The following OTOGL variants were observed in gnomAD, a reference collection of about 807,000 sequenced individuals.
The protein encoded by OTOGL is otogelin-like protein.
Under a neutral mutation model 318.5 loss-of-function variants are expected in OTOGL, and 285 were observed. The observed-to-expected ratio is 0.89, with a 90% CI of 0.81 to 0.99. The LOEUF (loss-of-function observed/expected upper bound fraction) is 0.99. Ranked by LOEUF, OTOGL falls within the 50% of genes least tolerant of loss-of-function variation. The pLI, the probability that OTOGL is intolerant of heterozygous loss-of-function variation, is 0.00. For synonymous variants in OTOGL, 987 were observed against 936.5 expected (o/e 1.05, Z -0.99); for missense variants, 2,899 against 2,845.6 (o/e 1.02, Z -0.43).
chr12:80,341,535 G>A (rs1888766415), intron 43 of OTOGL, among the ~76,000 whole-genome samples: 1 of 152,158 alleles, frequency 6.6e-6, no homozygotes, highest in South Asian at 2.1e-4. Flanking sequence ...TTCAGGCAGA[G>A]TTTTCACAGG....
intron 57 of OTOGL, among the ~76,000 whole-genome samples, chr12:80,373,011 T>G (rs6539503): frequency 0.85 from 129,210 of 151,956 alleles, 54,970 homozygotes; most frequent in South Asian, 0.88. Flanking sequence ...TAGAATAGAG[T>G]GTTTTCCATG....
chr12:80,362,921 A>G (rs994791783), intron 52 of OTOGL, among the ~76,000 whole-genome samples: 3 of 152,140 alleles, frequency 2.0e-5, no homozygotes, highest in African/African-American at 7.2e-5. Context: ...GAGATATAAA[A>G]ATCTATACAA....
chr12:80,358,915 T>C lies in OTOGL; in HGVS notation c.6267+15T>C. The C allele has an allele frequency of 6.2e-6, 9 of 1,459,016 alleles. No homozygotes were observed. Among genetic ancestry groups the C allele is most frequent in the Non-Finnish European group, 8.3e-6 (9 of 1,084,016 alleles). The allele number at this position is 1,459,016 out of a possible 1,614,324, so 90.4% of individuals were successfully genotyped here. On this transcript the variant is annotated intron_variant, in intron 52 of 58. Transcript: ENST00000547103. Reference sequence around the variant, plus strand: ...CTTGTGAAGTGGTAAGAACACATATTTTGATTGACTTGTCATATTTATTTA... The same window carrying C: ...CTTGTGAAGTGGTAAGAACACATATCTTGATTGACTTGTCATATTTATTTA...
At chr12:80,291,225 A>G (rs1301982118) in intron 26 of OTOGL, among the ~76,000 whole-genome samples, 1 of 152,190 alleles carries the variant, frequency 6.6e-6, no homozygotes. Flanking sequence ...GACGTACCAT[A>G]GTTTCTTTTC....
In OTOGL at chr12:80,244,631, A is replaced by T. The variant is rs1023344682; in HGVS notation, c.1052+5192A>T. Among the ~76,000 whole-genome samples, 21 of 149,818 alleles carry T rather than the reference A, an allele frequency of 1.4e-4. 2 individuals are homozygous for T. The highest frequency in any genetic ancestry group is 5.4e-4 in the African/African-American group (21 of 39,224). On this transcript the variant is annotated intron_variant, in intron 11 of 58. Transcript: ENST00000547103. ...TTGTGAATAATGCTGCAATAAACATATGTGTGCATGTGTCTTTATAGCAGC... is the reference window on the plus strand; with the variant it reads ...TTGTGAATAATGCTGCAATAAACATTTGTGTGCATGTGTCTTTATAGCAGC...
chr12:80,281,943 G>T (rs1047272731), intron 26 of OTOGL, among the ~76,000 whole-genome samples: 8 of 151,550 alleles, frequency 5.3e-5, no homozygotes, highest in African/African-American at 1.7e-4. Context: ...CCATAATTGG[G>T]TTATACATTT....
chr12:80,251,150 G>T (rs1881509268), intron 11 of OTOGL, among the ~76,000 whole-genome samples: 1 of 152,116 alleles, frequency 6.6e-6, no homozygotes, highest in South Asian at 2.1e-4. Context: ...CTACGTTTTG[G>T]ATTCTTATTG....
Position 80,368,087 on chromosome 12 carries a change from G to GAA in OTOGL, c.6511-116_6511-115dup, listed in dbSNP as rs35847160. The GAA allele has an allele frequency of 9.6e-3, 7,079 of 734,396 alleles. 326 individuals are homozygous for GAA. The African/African-American group carries it at 0.1, about 10-fold the overall frequency. The allele number at this position is 734,396 out of a possible 1,614,324, so 45.5% of individuals were successfully genotyped here. A position where few individuals can be genotyped will look rare whatever the true frequency, so the allele number is the denominator to read the frequency against. On this transcript the variant is annotated intron_variant, in intron 54 of 58. Transcript: ENST00000547103. ...TGGAAGCTTCTCATATTCAACCTTA[G>GAA]AAATCCTTACAGTTGTCTGGAAAGA...
At chr12:80,181,801 T>G (rs1874939850) in intron 1 of OTOGL, among the ~76,000 whole-genome samples, 1 of 152,130 alleles carries the variant, frequency 6.6e-6, no homozygotes, top group Admixed American at 6.6e-5. Context: ...TAAGTAGGCT[T>G]GTATATATCA....
Position 80,380,655 on chromosome 12 carries a change from C to T in OTOGL, c.*2607C>T, listed in dbSNP as rs528896696. The T allele has an allele frequency of 6.6e-6, 1 of 152,130 alleles. No homozygotes were observed. Among genetic ancestry groups the T allele is most frequent in the East Asian group, 1.9e-4 (1 of 5,178 alleles). The allele number at this position is 152,130 out of a possible 1,614,324, so 9.4% of individuals were successfully genotyped here. A position where few individuals can be genotyped will look rare whatever the true frequency, so the allele number is the denominator to read the frequency against. Reference sequence around the variant, plus strand: ...TTTTAAGGCTCTGGGAAGATAAGCACTCTCACATGTCATTGATGGTAACAC... The same window carrying T: ...TTTTAAGGCTCTGGGAAGATAAGCATTCTCACATGTCATTGATGGTAACAC... On this transcript the variant is annotated 3_prime_UTR_variant, in exon 59 of 59. Coordinates refer to ENST00000547103, the MANE Select transcript of OTOGL (RefSeq NM_001378609.3).
At chr12:80,352,075 A>G (rs533849902) in intron 44 of OTOGL, among the ~76,000 whole-genome samples, 1 of 152,328 alleles carries the variant, frequency 6.6e-6, no homozygotes, top group Non-Finnish European at 1.5e-5. Context: ...CCATCTTTAT[A>G]AGAAAGATTT....
chr12:80,246,223 G>A (rs1352967733), intron 11 of OTOGL, among the ~76,000 whole-genome samples: 2 of 149,400 alleles, frequency 1.3e-5, no homozygotes, highest in South Asian at 4.1e-4. Context: ...GTGAGAGAGA[G>A]CATCCCTGTC....
At chr12:80,120,084 G>A (rs1432796021) in intron 1 of OTOGL, among the ~76,000 whole-genome samples, 1 of 151,798 alleles carries the variant, frequency 6.6e-6, no homozygotes, top group East Asian at 1.9e-4. Context: ...TTCTGGAGTA[G>A]CAGAGTTTGA....
intron 19 of OTOGL, among the ~76,000 whole-genome samples, chr12:80,263,667 T>A (rs531914448): frequency 1.3e-5 from 2 of 152,026 alleles, no homozygotes. Flanking sequence ...AACTTTTTTT[T>A]AGCTTTGCCA....
rs570783811 is a variant in OTOGL, at chr12:80,356,019, G to A, written c.5806+71G>A. 4.9e-4 allele frequency: 733 copies of A among 1,482,348 alleles called. 2 individuals are homozygous for A. Among genetic ancestry groups the A allele is most frequent in the South Asian group, 1.0e-3 (88 of 85,808 alleles). 91.8% of individuals were successfully genotyped at this position (1,482,348 alleles called of 1,614,324 possible). A position where few individuals can be genotyped will look rare whatever the true frequency, so the allele number is the denominator to read the frequency against. On this transcript the variant is annotated intron_variant, in intron 47 of 58. Transcript: ENST00000547103. ...TTGATATTCTTTGTGAAAAAGCAGA[G>A]CATATATAATGCTTTGTATTTTTAA...
At chr12:80,253,371 AGGT>A in intron 13 of OTOGL, 92 bp from the exon 14 acceptor site, 1 of 1,076,396 alleles carries the variant, frequency 9.3e-7, no homozygotes, top group Non-Finnish European at 1.4e-6. Flanking sequence ...CATCATGCGT[AGGT>A]ATTCAACAGA....
chr12:80,231,870 C>T (rs1008916606), intron 8 of OTOGL, among the ~76,000 whole-genome samples: 6 of 151,480 alleles, frequency 4.0e-5, no homozygotes, highest in African/African-American at 1.5e-4. Context: ...AACTCCTGAC[C>T]TTGTGATCCA....
intron 17 of OTOGL, 75 bp downstream of exon 17, chr12:80,256,535 A>G: frequency 2.7e-6 from 4 of 1,483,426 alleles, no homozygotes; most frequent in Non-Finnish European, 3.6e-6. Context: ...ACACGCAAAC[A>G]AAATGGGATC....
At position 80,260,363 on chromosome 12, in the gene OTOGL, G is replaced by T. The variant is rs1882426332; in HGVS notation, c.1890-1606G>T. On this transcript the variant is annotated intron_variant, in intron 18 of 58. Transcript: ENST00000547103. Reference sequence around the variant, plus strand: ...TGGCTTGGCTATGATGTTCAGAAAAGACATTAATCCTGTTTTCTCTTCTTT... The same window carrying T: ...TGGCTTGGCTATGATGTTCAGAAAATACATTAATCCTGTTTTCTCTTCTTT... Among the ~76,000 whole-genome samples, 3 of 152,100 alleles carry T rather than the reference G, an allele frequency of 2.0e-5. No individual in the cohort carries two copies. The South Asian group carries it at 6.2e-4, about 32-fold the overall frequency.
Sources: gnomAD v4.1 joint callset for allele counts (sites outside exome capture counted in the v4.1 genomes callset) on GRCh38, gnomAD v4.1.1 for gene constraint, MANE v1.5 for transcripts, NCBI Gene and HGNC (gene_info 2026-07-23, HGNC 2026-07-21) for gene names.